ZNF516: variants seen among roughly 807,000 people sequenced by gnomAD.
The protein encoded by ZNF516 is zinc finger protein 516.
ZNF516 carries 19 observed loss-of-function variants against 79.7 expected under a neutral mutation model. That is an observed-to-expected ratio of 0.24 (90% confidence interval 0.17 to 0.35). ZNF516 has a LOEUF of 0.35. Ranked by LOEUF, ZNF516 falls within the 10% of genes least tolerant of loss-of-function variation. ZNF516 has a pLI of 1.00. For missense variants in ZNF516, 1,678 were observed against 1,679.5 expected (o/e 1.00, Z 0.02); for synonymous variants, 877 against 739.5 (o/e 1.19, Z -3.02).
At chr18:76,460,051 C>G (rs904661674) in intron 2 of ZNF516, among the ~76,000 whole-genome samples, 2 of 152,230 alleles carry the variant, frequency 1.3e-5, no homozygotes, top group Admixed American at 6.5e-5. Context: ...CCAGAAAACA[C>G]CGCACTGCAT....
intron 3 of ZNF516, among the ~76,000 whole-genome samples, chr18:76,391,319 CCCTAA>C (rs138179548): frequency 0.015 from 2,260 of 152,160 alleles, 51 homozygotes; most frequent in African/African-American, 0.051. Flanking sequence ...ATACACCTAA[CCCTAA>C]CCTAACAACT....
chr18:76,380,248 G>A lies in ZNF516; in HGVS notation c.1866C>T (p.Ser622=), dbSNP rs761027276. 2 of 1,613,834 alleles carry A rather than the reference G, an allele frequency of 1.2e-6. No homozygotes were observed. The highest frequency in any genetic ancestry group is 2.7e-5 in the African/African-American group (2 of 74,924). ...CCATCTTGTGACTCTGGTCTCCACT[G>A]GAGAGCTCGGTCGAAGTCACCTCTT... ...FSEEVTSTEL[S]SGDQSHKMGD... Residue 622 remains serine (S), a synonymous_variant, in exon 4 of 7, where the codon TCC becomes TCT. Coordinates refer to ENST00000443185, the MANE Select transcript of ZNF516 (RefSeq NM_014643.4).
intron 2 of ZNF516, among the ~76,000 whole-genome samples, chr18:76,447,679 G>A (rs1181849557): frequency 3.3e-5 from 5 of 152,162 alleles, no homozygotes; most frequent in East Asian, 1.9e-4. Flanking sequence ...CACGCACCTC[G>A]GACGGCAGGG....
At chr18:76,456,089 CCTTT>C (rs1295728505) in intron 2 of ZNF516, among the ~76,000 whole-genome samples, 16 of 152,324 alleles carry the variant, frequency 1.1e-4, no homozygotes, top group South Asian at 4.1e-4. Flanking sequence ...CTCACTCCTT[CCTTT>C]GTCACTCCAG....
rs558036312 is a variant in ZNF516 at position 76,434,158 on chromosome 18, G to A, written c.1810+7087C>T. ...ATGAGATGCCCTATCTCACGGGAAC[G>A]GGGTGCAAGAACCAAATTCAGGCAT... On this transcript the variant is annotated intron_variant, in intron 3 of 6. Coordinates refer to ENST00000443185, the MANE Select transcript of ZNF516 (RefSeq NM_014643.4). Among the ~76,000 whole-genome samples, 5 of 147,678 alleles carry A rather than the reference G, an allele frequency of 3.4e-5. No individual in the cohort carries two copies. The South Asian group carries it at 1.1e-3, about 32-fold the overall frequency.
intron 1 of ZNF516, among the ~76,000 whole-genome samples, chr18:76,482,486 G>A (rs540436624): frequency 1.2e-3 from 176 of 152,298 alleles, no homozygotes; most frequent in Non-Finnish European, 1.7e-3. Context: ...GGTGGACGTC[G>A]GTACTTCATG....
rs892901426 is a variant in ZNF516 at position 76,492,735 on chromosome 18, CTCT to C, written c.-272+2406_-272+2408del. The stretch of plus-strand genomic sequence containing the variant: ...TTGCTGAGAAACAATCACAGCCCTC[CTCT>C]TTTCTCCCCCTTCTGCAGGTTCCGA... On this transcript the variant is annotated intron_variant, in intron 1 of 6. Transcript: ENST00000443185. 33 of 985,466 alleles carry C rather than the reference CTCT, an allele frequency of 3.3e-5. No individual in the cohort carries two copies. The African/African-American group carries it at 4.5e-4, about 14-fold the overall frequency. The allele number at this position is 985,466 out of a possible 1,614,324, so 61.0% of individuals were successfully genotyped here. A position where few individuals can be genotyped will look rare whatever the true frequency, so the allele number is the denominator to read the frequency against.
chr18:76,418,326 AAC>A (rs552047447), intron 3 of ZNF516, among the ~76,000 whole-genome samples: 14 of 152,072 alleles, frequency 9.2e-5, no homozygotes, highest in African/African-American at 3.4e-4. Flanking sequence ...GTAACACACT[AAC>A]ACACTATAAC....
At chr18:76,385,656 A>G (rs540826415) in intron 3 of ZNF516, 5 of 151,708 alleles carry the variant, frequency 3.3e-5, no homozygotes, top group East Asian at 3.9e-4. Context: ...AATAAACAGG[A>G]CCCCAGGAGC....
chr18:76,388,138 A>G (rs912845422), intron 3 of ZNF516: 1 of 152,246 alleles, frequency 6.6e-6, no homozygotes, highest in Admixed American at 6.5e-5. Context: ...CTCCTCATGC[A>G]TCCCCCTGAG....
chr18:76,379,863 A>C lies in ZNF516; in HGVS notation c.2251T>G (p.Ser751Ala). ...ACGACTAAAGCCGCCTGCAGGGAGG[A>C]GGCCGTCTCCTTATTGCTGGGGTCA... ...RDDPSNKETA[S>A]SLQAALVVHP... The change falls in exon 4 of 7, where the codon TCC becomes GCC. Residue 751 changes from serine to alanine, a missense_variant. Ser to Ala is a moderately conservative substitution (Grantham distance 99). Coordinates refer to ENST00000443185, the MANE Select transcript of ZNF516 (RefSeq NM_014643.4). The C allele has an allele frequency of 6.2e-7, 1 of 1,613,820 alleles. No homozygotes were observed.
intron 1 of ZNF516, among the ~76,000 whole-genome samples, chr18:76,483,733 ACT>A (rs1170731171): frequency 3.3e-5 from 5 of 151,726 alleles, no homozygotes; most frequent in South Asian, 2.1e-4. Context: ...CTCTGTATTT[ACT>A]CTCTTATAAA....
In ZNF516 at chr18:76,367,477, C is replaced by T. The variant is rs545334787; in HGVS notation, c.3432+3051G>A. Among the ~76,000 whole-genome samples, 182 of 152,338 alleles carry T rather than the reference C, an allele frequency of 1.2e-3. 1 individual carries two copies. Among genetic ancestry groups the T allele is most frequent in the African/African-American group, 4.3e-3 (177 of 41,580 alleles). On this transcript the variant is annotated intron_variant, in intron 6 of 6. Transcript: ENST00000443185. ...AGAGTCTCAACAAGGAGACCTGGTG[C>T]TCTCTAGACCCCAGGCCCGAGCCTC...
Position 76,493,203 on chromosome 18 carries a change from G to A in ZNF516, c.-272+1941C>T. 1.0e-6 allele frequency: 1 copy of A among 979,306 alleles called. No individual in the cohort carries two copies. Among genetic ancestry groups the A allele is most frequent in the Non-Finnish European group, 1.2e-6 (1 of 824,412 alleles). The allele number at this position is 979,306 out of a possible 1,614,324, so 60.7% of individuals were successfully genotyped here. ...GCAGAGTTTGCCTTCTTTAAGGAGG[G>A]AGGCGTCAGACGATATCCATTTAAA... is the stretch of plus-strand genomic sequence containing the variant. On this transcript the variant is annotated intron_variant, in intron 1 of 6. Transcript: ENST00000443185. This position sits in a 1 kb window ranked among gnomAD's most constrained non-coding sequence, Gnocchi z 5.2.
At chr18:76,479,000 G>C (rs1021979976) in intron 1 of ZNF516, among the ~76,000 whole-genome samples, 3 of 151,918 alleles carry the variant, frequency 2.0e-5, no homozygotes, top group Non-Finnish European at 4.4e-5. Flanking sequence ...AGGTTGCAGT[G>C]AGCCGAGATC....
intron 2 of ZNF516, among the ~76,000 whole-genome samples, chr18:76,448,069 C>T (rs1912168112): frequency 6.6e-6 from 1 of 151,976 alleles, no homozygotes; most frequent in African/African-American, 2.4e-5. Context: ...AAACTGTTTA[C>T]TCATAACATA....
intron 3 of ZNF516, among the ~76,000 whole-genome samples, chr18:76,403,405 A>G (rs2075257963): frequency 6.6e-6 from 1 of 152,222 alleles, no homozygotes; most frequent in Admixed American, 6.5e-5. Flanking sequence ...TCATGGACAT[A>G]CATACAACTG....
At chr18:76,428,979 G>A (rs753803832) in intron 3 of ZNF516, among the ~76,000 whole-genome samples, 2 of 152,262 alleles carry the variant, frequency 1.3e-5, no homozygotes, top group African/African-American at 2.4e-5. Flanking sequence ...CCAGGAGGCC[G>A]CTCAGGAGGA....
At chr18:76,387,746 G>C (rs2075014819) in intron 3 of ZNF516, 1 of 152,274 alleles carries the variant, frequency 6.6e-6, no homozygotes, top group Admixed American at 6.5e-5. Flanking sequence ...CTCTGCCCAG[G>C]AGTGGCCATT....
Sources: allele counts gnomAD v4.1 joint callset (sites outside exome capture counted in the v4.1 genomes callset), GRCh38; gene constraint gnomAD v4.1.1; non-coding constraint Gnocchi (gnomAD v3.1); transcripts MANE v1.5; gene names NCBI Gene and HGNC (gene_info 2026-07-23, HGNC 2026-07-21).